FAM81A: variants seen among roughly 807,000 people sequenced by gnomAD.
FAM81A encodes the protein family with sequence similarity 81 member A.
FAM81A carries 19 observed loss-of-function variants against 46.7 expected under a neutral mutation model. The observed-to-expected ratio is 0.41, with a 90% confidence interval of 0.28 to 0.60. FAM81A has a LOEUF of 0.60. Ranked by LOEUF, FAM81A falls within the 20% of genes least tolerant of loss-of-function variation. FAM81A has a pLI of 0.34. For missense variants in FAM81A, 377 were observed against 453.5 expected, an observed-to-expected ratio of 0.83 and a Z score of 1.53; for synonymous variants, 183 against 152.9, an observed-to-expected ratio of 1.20 and a Z score of -1.45.
intron 6 of FAM81A, among the ~76,000 whole-genome samples, chr15:59,512,028 C>T (rs2082215766): frequency 6.6e-6 from 1 of 152,104 alleles, no homozygotes; most frequent in South Asian, 2.1e-4. Context: ...ACTGGATAAG[C>T]TGTGGTATAT....
intron 5 of FAM81A, among the ~76,000 whole-genome samples, 187 bp from the exon 6 acceptor site, chr15:59,508,676 G>C (rs1423973491): frequency 1.3e-5 from 2 of 152,140 alleles, no homozygotes; most frequent in Non-Finnish European, 2.9e-5. Flanking sequence ...AGTGCTACTG[G>C]TCTTGATTTT....
intron 2 of FAM81A, among the ~76,000 whole-genome samples, chr15:59,406,164 T>A (rs528723523): frequency 1.3e-5 from 2 of 152,150 alleles, no homozygotes; most frequent in Non-Finnish European, 2.9e-5. Flanking sequence ...ATCATTCTCA[T>A]TGAAAAATTC....
At chr15:59,462,838 CAG>C (rs1263685326) in intron 3 of FAM81A, among the ~76,000 whole-genome samples, 2 of 152,120 alleles carry the variant, frequency 1.3e-5, no homozygotes, top group Non-Finnish European at 2.9e-5. Context: ...TAGCATGTAT[CAG>C]AATTCATTTT....
At chr15:59,410,073 G>A (rs1010365355) in intron 2 of FAM81A, among the ~76,000 whole-genome samples, 5 of 152,008 alleles carry the variant, frequency 3.3e-5, no homozygotes, top group African/African-American at 7.3e-5. Context: ...AGGCTGAGGC[G>A]GCGGATTACG....
intron 4 of FAM81A, among the ~76,000 whole-genome samples, chr15:59,496,832 A>T (rs974143652): frequency 2.0e-5 from 3 of 151,926 alleles, no homozygotes; most frequent in African/African-American, 7.3e-5. Context: ...TTCCTTATGA[A>T]ATTTAGGATC....
chr15:59,447,459 CA>C (rs753892967), intron 1 of FAM81A, among the ~76,000 whole-genome samples: 2 of 152,178 alleles, frequency 1.3e-5, no homozygotes, highest in Admixed American at 6.5e-5. Context: ...AAATTCTGGT[CA>C]GGGGTGGTGA....
intron 4 of FAM81A, among the ~76,000 whole-genome samples, chr15:59,500,909 C>T (rs973044970): frequency 6.6e-6 from 1 of 151,940 alleles, no homozygotes; most frequent in Admixed American, 6.6e-5. Context: ...CATTCCTTTA[C>T]TTTTAAAATT....
chr15:59,411,604 C>T (rs1025734550), intron 2 of FAM81A, among the ~76,000 whole-genome samples: 1 of 152,138 alleles, frequency 6.6e-6, no homozygotes, highest in Non-Finnish European at 1.5e-5. Context: ...AATCATCTCC[C>T]TCCACCAGGA....
chr15:59,483,306 G>A (rs12372941), intron 3 of FAM81A, among the ~76,000 whole-genome samples: 118,540 of 152,024 alleles, frequency 0.78, 46,735 homozygotes, highest in Admixed American at 0.87. Context: ...CAAAGTGCTG[G>A]GATTACAGGT....
At chr15:59,516,481 G>C (rs539822117) in intron 7 of FAM81A, among the ~76,000 whole-genome samples, 164 bp from the exon 8 acceptor site, 5 of 152,274 alleles carry the variant, frequency 3.3e-5, no homozygotes, top group African/African-American at 1.2e-4. Context: ...GAAAATCATG[G>C]ATCTGTTAAG....
intron 4 of FAM81A, among the ~76,000 whole-genome samples, chr15:59,492,987 T>G (rs1596525842): frequency 1.3e-5 from 2 of 152,224 alleles, no homozygotes; most frequent in African/African-American, 2.4e-5. Flanking sequence ...GGAAGCACTG[T>G]ACCAGGACTG....
chr15:59,428,793 G>C (rs1466681676), intron 2 of FAM81A, among the ~76,000 whole-genome samples: 1 of 152,016 alleles, frequency 6.6e-6, no homozygotes, highest in Non-Finnish European at 1.5e-5. Flanking sequence ...ACCATGCCAA[G>C]CTAATTTTTG....
upstream of FAM81A, among the ~76,000 whole-genome samples, chr15:59,437,312 C>T (rs1356293829): frequency 1.3e-5 from 2 of 151,298 alleles, no homozygotes; most frequent in Non-Finnish European, 2.9e-5. Flanking sequence ...TGGGTAAGTA[C>T]CAGTATCTGC....
At chr15:59,437,878 C>T (rs548467475), upstream of FAM81A, among the ~76,000 whole-genome samples, 4 of 152,264 alleles carry the variant, frequency 2.6e-5, no homozygotes, top group Admixed American at 1.3e-4. Context: ...TGAGCGAAAT[C>T]CCCGCCCGCC....
At chr15:59,514,806 G>A (rs1042115515) in intron 7 of FAM81A, among the ~76,000 whole-genome samples, 11 of 152,180 alleles carry the variant, frequency 7.2e-5, no homozygotes, top group African/African-American at 2.4e-4. Context: ...TCTGTCTCCA[G>A]ATCACACCAT....
At chr15:59,517,358 C>G (rs8027847) in intron 8 of FAM81A, among the ~76,000 whole-genome samples, 3,493 of 152,158 alleles carry the variant, frequency 0.023, 142 homozygotes, top group African/African-American at 0.081. Flanking sequence ...GCTCTGAACT[C>G]AGGAATACAG....
chr15:59,490,102 C>G (rs1206604676), intron 3 of FAM81A, among the ~76,000 whole-genome samples: 1 of 151,382 alleles, frequency 6.6e-6, no homozygotes, highest in Non-Finnish European at 1.5e-5. Context: ...GTACCCTGAA[C>G]CAAAAATAAA....
chr15:59,481,633 C>A (rs1418338939), intron 3 of FAM81A, among the ~76,000 whole-genome samples: 1 of 151,884 alleles, frequency 6.6e-6, no homozygotes, highest in African/African-American at 2.4e-5. Context: ...CTTAGTGTTT[C>A]CATAATAATG....
At position 59,458,692 on chromosome 15, in the gene FAM81A, G is replaced by A. The variant is rs181330614; in HGVS notation, c.20+46G>A. 73 of 1,536,232 alleles carry A rather than the reference G, an allele frequency of 4.8e-5. No homozygotes were observed. The African/African-American group carries it at 9.4e-4, about 20-fold the overall frequency. On this transcript the variant is annotated intron_variant, in intron 2 of 8. Coordinates refer to ENST00000288228, the MANE Select transcript of FAM81A (RefSeq NM_152450.3). ...CATCCCATGGGGGCTGCTAGTGGGTGTGATAGTTACAAATCAAAGCTTGGG... is the reference window on the plus strand; with the variant it reads ...CATCCCATGGGGGCTGCTAGTGGGTATGATAGTTACAAATCAAAGCTTGGG...
Sources: gnomAD v4.1 joint callset for allele counts (sites outside exome capture counted in the v4.1 genomes callset) on GRCh38, gnomAD v4.1.1 for gene constraint, MANE v1.5 for transcripts, NCBI Gene and HGNC (gene_info 2026-07-23, HGNC 2026-07-21) for gene names.